Variants in EIF4E1B observed in about 807,000 individuals in gnomAD.
EIF4E1B encodes eukaryotic translation initiation factor 4E family member 1B.
In EIF4E1B, 22 loss-of-function variants were observed where a neutral mutation model predicts 31.3. The observed-to-expected ratio is 0.70, with a 90% confidence interval of 0.50 to 1.00. The LOEUF (loss-of-function observed/expected upper bound fraction) is 1.00. EIF4E1B is among the 50% of genes least tolerant of loss of function. The pLI is 0.00. For missense variants in EIF4E1B, 290 were observed against 311.6 expected (o/e 0.93, Z 0.52); for synonymous variants, 126 against 120.2 (o/e 1.05, Z -0.31).
Position 176,645,520 on chromosome 5 carries a change from A to G in EIF4E1B, c.614+4A>G. 1 of 1,511,314 alleles carries G rather than the reference A, an allele frequency of 6.6e-7. No homozygotes were observed. The highest frequency in any genetic ancestry group is 8.8e-7 in the Non-Finnish European group (1 of 1,131,468). The allele number at this position is 1,511,314 out of a possible 1,614,324, so 93.6% of individuals were successfully genotyped here. On this transcript the variant is annotated splice_donor_region_variant and intron_variant, in intron 8 of 8. Coordinates refer to ENST00000318682, the MANE Select transcript of EIF4E1B (RefSeq NM_001099408.2). This position sits in a 1 kb window ranked among gnomAD's most constrained non-coding sequence, Gnocchi z 5.4. ...AGGCGGGCGTGCTGCACGTTGGGTG[A>G]GGAGGGTCTCTGGCACAGGGTGGGG...
rs562266516 is a variant in EIF4E1B at position 176,642,357 on chromosome 5, C to CAT, written c.-79+193_-79+194insTA. Among the ~76,000 whole-genome samples, 352 of 152,332 alleles carry CAT rather than the reference C, an allele frequency of 2.3e-3. 1 individual carries two copies. Among genetic ancestry groups the CAT allele is most frequent in the South Asian group, 7.7e-3 (37 of 4,822 alleles). ...TTAAACTTTTAAAAAACTCAGATGC[C>CAT]ACTGGGTATGGTGGCTCATGCCAGT... is the stretch of plus-strand genomic sequence containing the variant. On this transcript the variant is annotated intron_variant, in intron 2 of 8. Coordinates refer to ENST00000318682, the MANE Select transcript of EIF4E1B (RefSeq NM_001099408.2).
chr5:176,644,138 G>A (rs1360527822), intron 5 of EIF4E1B: 4 of 579,722 alleles, frequency 6.9e-6, no homozygotes, highest in Admixed American at 3.2e-5. Context: ...GGAGGGGGGA[G>A]CACCAGGGGG....
intron 6 of EIF4E1B, chr5:176,644,650 G>A (rs749264358): frequency 5.4e-5 from 30 of 558,596 alleles, no homozygotes; most frequent in South Asian, 7.6e-5. Flanking sequence ...CTTAAGAGGC[G>A]GGAAGAGGGA....
chr5:176,643,275 G>A lies in EIF4E1B; in HGVS notation c.200+9G>A, dbSNP rs757549714. On this transcript the variant is annotated intron_variant, in intron 4 of 8. Coordinates refer to ENST00000318682, the MANE Select transcript of EIF4E1B (RefSeq NM_001099408.2). ...CACCCCTTGCAGAACAGGTAGGCAG[G>A]AGCCTGCGAGTGGAACACAGCCCCT... The A allele has an allele frequency of 6.2e-7, 1 of 1,609,596 alleles. No individual in the cohort carries two copies. The highest frequency in any genetic ancestry group is 1.7e-5 in the Admixed American group (1 of 59,948).
intron 4 of EIF4E1B, 74 bp from the exon 5 acceptor site, chr5:176,643,565 C>G: frequency 4.2e-6 from 6 of 1,430,352 alleles, no homozygotes; most frequent in Non-Finnish European, 4.8e-6. Context: ...AGGGTCCTCC[C>G]TGTCAGTCCA....
Position 176,645,740 on chromosome 5 carries a change from A to G in EIF4E1B, c.615-126A>G. 1.8e-6 allele frequency: 2 copies of G among 1,116,236 alleles called. No homozygotes were observed. The highest frequency in any genetic ancestry group is 2.6e-5 in the East Asian group (1 of 38,074). 69.1% of individuals were successfully genotyped at this position (1,116,236 alleles called of 1,614,324 possible). On this transcript the variant is annotated intron_variant, in intron 8 of 8. Transcript: ENST00000318682. This position sits in a 1 kb window ranked among gnomAD's most constrained non-coding sequence, Gnocchi z 5.4. ...AGGGGGTCATATTTTGGGTTTCCACATGGGTAAGACACAACAGGTGTGGCT... is the reference window on the plus strand; with the variant it reads ...AGGGGGTCATATTTTGGGTTTCCACGTGGGTAAGACACAACAGGTGTGGCT...
chr5:176,634,702 C>G (rs943425492), intron 1 of EIF4E1B, among the ~76,000 whole-genome samples: 8 of 130,176 alleles, frequency 6.1e-5, no homozygotes, highest in African/African-American at 2.3e-4. Flanking sequence ...CAGAGTCTTG[C>G]TGTGATGCCC....
At chr5:176,636,953 G>A (rs1047120483) in intron 1 of EIF4E1B, among the ~76,000 whole-genome samples, 1 of 152,230 alleles carries the variant, frequency 6.6e-6, no homozygotes, top group African/African-American at 2.4e-5. Flanking sequence ...CTCAGCATTC[G>A]AGTGGGATGG....
At position 176,646,635 on chromosome 5, in the gene EIF4E1B, TC is replaced by T. The variant is rs2113452362; in HGVS notation, c.*656del. On this transcript the variant is annotated 3_prime_UTR_variant, in exon 9 of 9. Transcript: ENST00000318682. ...TCTGTTCCTGTTTTAAATAAATACT[TC>T]TGAACAAAGTTGGAATTATTTTTAA... The T allele has an allele frequency of 6.6e-6, 1 of 152,420 alleles. No homozygotes were observed. The highest frequency in any genetic ancestry group is 2.4e-5 in the African/African-American group (1 of 41,576). 9.4% of individuals were successfully genotyped at this position (152,420 alleles called of 1,614,324 possible).
chr5:176,634,154 G>C lies in EIF4E1B; in HGVS notation c.-202+3090G>C, dbSNP rs76835723. Among the ~76,000 whole-genome samples the C allele has an allele frequency of 7.2e-5, 11 of 152,014 alleles. No individual in the cohort carries two copies. The East Asian group carries it at 1.9e-3, about 27-fold the overall frequency. ...CATTGAGGGGGTGGAGCAGCTTGGTGGGGGGATGATGATGAGCTTGTCTGG... is the reference window on the plus strand; with the variant it reads ...CATTGAGGGGGTGGAGCAGCTTGGTCGGGGGATGATGATGAGCTTGTCTGG... On this transcript the variant is annotated intron_variant, in intron 1 of 8. Coordinates refer to ENST00000318682, the MANE Select transcript of EIF4E1B (RefSeq NM_001099408.2).
intron 1 of EIF4E1B, among the ~76,000 whole-genome samples, chr5:176,634,140 T>G (rs1581183380): frequency 2.1e-5 from 3 of 142,760 alleles, no homozygotes; most frequent in Non-Finnish European, 3.1e-5. Flanking sequence ...ATTGAGGGGG[T>G]GGAGCAGCTT....
intron 5 of EIF4E1B, chr5:176,644,039 G>A (rs1339904487): frequency 3.6e-6 from 2 of 551,934 alleles, no homozygotes; most frequent in South Asian, 2.4e-5. Flanking sequence ...GGGAGGACTC[G>A]GCTGCCTCAG....
In EIF4E1B at chr5:176,645,934, C is replaced by T. The variant is rs1760698013; in HGVS notation, c.683C>T (p.Thr228Ile). ...TIIGYQAHAD[T>I]ATKSNSLAKN... ...ATTGGGTACCAGGCCCATGCAGACA[C>T]AGCCACCAAGAGCAACTCCCTAGCC... Residue 228 changes from threonine (T) to isoleucine (I), a missense_variant, in exon 9 of 9, where the codon ACA becomes ATA. Physicochemically the swap from Thr to Ile is moderately conservative, Grantham distance 89 (BLOSUM62 -1). Coordinates refer to ENST00000318682, the MANE Select transcript of EIF4E1B (RefSeq NM_001099408.2). This position sits in a 1 kb window ranked among gnomAD's most constrained non-coding sequence, Gnocchi z 5.4. The T allele has an allele frequency of 1.9e-6, 3 of 1,610,476 alleles. No individual in the cohort carries two copies. The highest frequency in any genetic ancestry group is 2.5e-6 in the Non-Finnish European group (3 of 1,178,384).
rs980489223 is a variant in EIF4E1B, at chr5:176,644,377, C to A, written c.298C>A (p.Leu100Ile). The change falls in exon 6 of 9, where the codon CTA becomes ATA. Residue 100 changes from leucine (L) to isoleucine (I), a missense_variant and splice_region_variant. Coordinates refer to ENST00000318682, the MANE Select transcript of EIF4E1B (RefSeq NM_001099408.2). ...KVDTVEDFWA[L>I]YSHIQLASKL... ...CATGGGGTCGGGGGCTCTGTCCAGG[C>A]TATACAGTCACATCCAGCTGGCCAG... is the stretch of plus-strand genomic sequence containing the variant. 1.3e-6 allele frequency: 2 copies of A among 1,588,420 alleles called. No individual in the cohort carries two copies. The highest frequency in any genetic ancestry group is 1.7e-6 in the Non-Finnish European group (2 of 1,167,274).
At chr5:176,639,798 GCAC>G (rs1418833069) in intron 1 of EIF4E1B, among the ~76,000 whole-genome samples, 1 of 151,922 alleles carries the variant, frequency 6.6e-6, no homozygotes, top group Non-Finnish European at 1.5e-5. Context: ...ATGGTGGTGT[GCAC>G]CTGTAGTCCC....
Position 176,645,199 on chromosome 5 carries a change from A to AAGC in EIF4E1B, c.437_439dup (p.Gln146dup), listed in dbSNP as rs745392167. Reference sequence around the variant, plus strand: ...TGGCCGCTGGCTGGTCAGCCTGGCCAAGCAGCAGCGCCACATTGAGCTGGA... The same window carrying AAGC: ...TGGCCGCTGGCTGGTCAGCCTGGCCAAGCAGCAGCAGCGCCACATTGAGCTGGA... On this transcript the variant is annotated inframe_insertion, in exon 7 of 9. Coordinates refer to ENST00000318682, the MANE Select transcript of EIF4E1B (RefSeq NM_001099408.2). This position sits in a 1 kb window ranked among gnomAD's most constrained non-coding sequence, Gnocchi z 5.4. The AAGC allele has an allele frequency of 1.6e-5, 26 of 1,587,394 alleles. No individual in the cohort carries two copies. Among genetic ancestry groups the AAGC allele is most frequent in the Non-Finnish European group, 2.1e-5 (25 of 1,167,380 alleles).
In EIF4E1B at chr5:176,645,768, G is replaced by GGCCA; in HGVS notation, c.615-96_615-93dup. The GGCCA allele has an allele frequency of 1.7e-6, 2 of 1,194,716 alleles. No homozygotes were observed. Among genetic ancestry groups the GGCCA allele is most frequent in the Non-Finnish European group, 2.3e-6 (2 of 863,564 alleles). The allele number at this position is 1,194,716 out of a possible 1,614,324, so 74.0% of individuals were successfully genotyped here. A position where few individuals can be genotyped will look rare whatever the true frequency, so the allele number is the denominator to read the frequency against. On this transcript the variant is annotated intron_variant, in intron 8 of 8. Transcript: ENST00000318682. This position sits in a 1 kb window ranked among gnomAD's most constrained non-coding sequence, Gnocchi z 5.4. ...GGTAAGACACAACAGGTGTGGCTGT[G>GGCCA]GCCAGAATGAGGGTAGGAGTCTGGT... is the stretch of plus-strand genomic sequence containing the variant.
intron 1 of EIF4E1B, among the ~76,000 whole-genome samples, chr5:176,635,746 T>A: frequency 6.6e-6 from 1 of 152,218 alleles, no homozygotes; most frequent in East Asian, 1.9e-4. Context: ...TGCCATCATG[T>A]TGATGCAGAC....
At chr5:176,632,498 G>A (rs144349626) in intron 1 of EIF4E1B, among the ~76,000 whole-genome samples, 1 of 152,196 alleles carries the variant, frequency 6.6e-6, no homozygotes, top group African/African-American at 2.4e-5. Flanking sequence ...ACAAGTGATC[G>A]GCCCACCTAG....
Sources: gnomAD v4.1 joint callset for allele counts (sites outside exome capture counted in the v4.1 genomes callset) on GRCh38, gnomAD v4.1.1 for gene constraint, Gnocchi (gnomAD v3.1) non-coding constraint, MANE v1.5 for transcripts, NCBI Gene and HGNC (gene_info 2026-07-23, HGNC 2026-07-21) for gene names.